The following ZNF311 variants were observed in gnomAD, a reference collection of about 807,000 sequenced individuals.
The protein encoded by ZNF311 is zinc finger protein 311.
ZNF311 carries 14 observed loss-of-function variants against 22.7 expected under a neutral mutation model. The ratio of observed to expected loss-of-function variants is 0.62; its 90% CI spans 0.41 to 0.96. The LOEUF (loss-of-function observed/expected upper bound fraction) is 0.96, where lower values mean the gene tolerates loss of function less well. Ranked by LOEUF, ZNF311 falls within the 40% of genes least tolerant of loss-of-function variation. The pLI, the probability that ZNF311 is intolerant of heterozygous loss-of-function variation, is 0.00. For synonymous variants in ZNF311, 250 were observed against 275.3 expected (o/e 0.91, Z 0.91); for missense variants, 731 against 799.0 (o/e 0.91, Z 1.03).
chr6:28,998,665 T>G (rs1779973830), intron 6 of ZNF311, 69 bp downstream of exon 6: 8 of 1,140,452 alleles, frequency 7.0e-6, no homozygotes, highest in Non-Finnish European at 3.8e-6. Flanking sequence ...GATCCACCAC[T>G]GAGAATGTTC....
At chr6:28,997,616 G>A (rs1366678881) in intron 6 of ZNF311, among the ~76,000 whole-genome samples, 2 of 152,030 alleles carry the variant, frequency 1.3e-5, no homozygotes, top group African/African-American at 4.8e-5. Flanking sequence ...TATTCTCTCT[G>A]AAAATCAAGT....
chr6:28,997,485 C>T (rs975332273), intron 6 of ZNF311, among the ~76,000 whole-genome samples: 2 of 152,170 alleles, frequency 1.3e-5, no homozygotes. Context: ...TTAATATTAT[C>T]TCTGAACTCT....
chr6:29,004,333 C>T (rs900719841), intron 1 of ZNF311, 119 bp from the exon 2 acceptor site: 4 of 540,302 alleles, frequency 7.4e-6, no homozygotes, highest in South Asian at 3.3e-5. Context: ...ACAATCTCAA[C>T]GGCTACCACC....
At chr6:29,003,623 A>C in intron 2 of ZNF311, 29 bp from the exon 3 acceptor site, 1 of 1,611,668 alleles carries the variant, frequency 6.2e-7, no homozygotes, top group Non-Finnish European at 8.5e-7. Flanking sequence ...TGAATTCAGG[A>C]AAGTTATGAA....
chr6:28,998,948 GTTAAT>G, intron 5 of ZNF311, 110 bp from the exon 6 acceptor site: 2 of 679,342 alleles, frequency 2.9e-6, no homozygotes, highest in Non-Finnish European at 4.8e-6. Flanking sequence ...GGAAAGAAAT[GTTAAT>G]TTAGATAGAG....
chr6:29,003,927 C>G lies in ZNF311; in HGVS notation c.9+19G>C, dbSNP rs1486857570. On this transcript the variant is annotated intron_variant, in intron 2 of 6. Transcript: ENST00000377179. ...CCTTCTTCCTCCTTGTGATGTATCACAGACCCTCCTCTTCTTACCTCCTGC... is the reference window on the plus strand; with the variant it reads ...CCTTCTTCCTCCTTGTGATGTATCAGAGACCCTCCTCTTCTTACCTCCTGC... 1.9e-6 allele frequency: 3 copies of G among 1,612,864 alleles called. No homozygotes were observed.
intron 1 of ZNF311, among the ~76,000 whole-genome samples, chr6:29,004,442 CTTTTTTTTTTTT>C (rs9280531): frequency 6.5e-5 from 2 of 30,604 alleles, no homozygotes; most frequent in Admixed American, 4.0e-4. Context: ...TTCCTCCTTT[CTTTTTTTTTTTT>C]TTTTTTTTTT....
At chr6:29,003,628 T>G in intron 2 of ZNF311, 34 bp from the exon 3 acceptor site, 1 of 1,610,020 alleles carries the variant, frequency 6.2e-7, no homozygotes, top group Non-Finnish European at 8.5e-7. Flanking sequence ...TCAGGAAAGT[T>G]ATGAAGGTGA....
chr6:28,995,380 T>G lies in ZNF311; in HGVS notation c.1622A>C (p.Asn541Thr). 1 of 1,614,080 alleles carries G rather than the reference T, an allele frequency of 6.2e-7. No individual in the cohort carries two copies. Among genetic ancestry groups the G allele is most frequent in the Non-Finnish European group, 8.5e-7 (1 of 1,180,018 alleles). Residue 541 changes from asparagine (N) to threonine (T), a missense_variant, in exon 7 of 7, where the codon AAC (asparagine) becomes ACC (threonine). Coordinates refer to ENST00000377179, the MANE Select transcript of ZNF311 (RefSeq NM_001382360.1). This position sits in a 1 kb window ranked among gnomAD's most constrained non-coding sequence, Gnocchi z 4.7. ...GTGAATTCTTCGATGATTGGTCAAG[T>G]TTGACTTCCCACTGAAAGCTTTCCC... is the stretch of plus-strand genomic sequence containing the variant. ...ECGKAFSGKS[N>T]LTNHRRIHTG... is the part of the protein sequence containing the mutation.
In ZNF311 at chr6:28,995,472, A is replaced by G; in HGVS notation, c.1530T>C (p.Asp510=). 5 of 1,613,028 alleles carry G rather than the reference A, an allele frequency of 3.1e-6. No individual in the cohort carries two copies. The highest frequency in any genetic ancestry group is 4.2e-6 in the Non-Finnish European group (5 of 1,179,546). The change falls in exon 7 of 7, where the codon GAT becomes GAC. Residue 510 remains aspartate, a synonymous_variant. Transcript: ENST00000377179. This position sits in a 1 kb window ranked among gnomAD's most constrained non-coding sequence, Gnocchi z 4.7. ...TCTGATGGATGGTAAGGCAGTGCTT[A>G]TCTTGGAAGGTTTTCCCACAATCCC... ...QCRDCGKTFQ[D]KHCLTIHQRI...
At chr6:29,003,437 C>T (rs1780726078) in intron 3 of ZNF311, 76 bp downstream of exon 3, 1 of 1,405,216 alleles carries the variant, frequency 7.1e-7, no homozygotes, top group African/African-American at 1.4e-5. Context: ...CCCAGTGTGG[C>T]ATTTTCCACC....
intron 4 of ZNF311, 115 bp downstream of exon 4, chr6:28,999,841 T>A (rs1202039979): frequency 1.2e-5 from 16 of 1,295,194 alleles, no homozygotes; most frequent in Non-Finnish European, 1.6e-5. Flanking sequence ...ATGTTCCTTA[T>A]GAGAGGGAGA....
chr6:28,997,330 T>C (rs538123557), intron 6 of ZNF311, among the ~76,000 whole-genome samples: 1 of 152,280 alleles, frequency 6.6e-6, no homozygotes, highest in African/African-American at 2.4e-5. Context: ...AACCTGATGG[T>C]TTTGAGTCTC....
At position 28,996,125 on chromosome 6, in the gene ZNF311, G is replaced by A; in HGVS notation, c.877C>T (p.His293Tyr). The stretch of plus-strand genomic sequence containing the variant: ...TTCTCCCCTGTGTGGATTATCCGGT[G>A]CATAGAAAGCTGATTTCTGGTCTTG... ...AFKTRNQLSM[H>Y]RIIHTGEKPF... is the part of the protein sequence containing the mutation. The change falls in exon 7 of 7, where the codon CAC (histidine) becomes TAC (tyrosine). Residue 293 changes from histidine to tyrosine, a missense_variant. By Grantham distance (83) the His-to-Tyr change is moderately conservative. Coordinates refer to ENST00000377179, the MANE Select transcript of ZNF311 (RefSeq NM_001382360.1). 2 of 1,613,372 alleles carry A rather than the reference G, an allele frequency of 1.2e-6. No homozygotes were observed. Among genetic ancestry groups the A allele is most frequent in the Non-Finnish European group, 1.7e-6 (2 of 1,180,024 alleles).
At chr6:28,997,070 T>C (rs2269555) in intron 6 of ZNF311, among the ~76,000 whole-genome samples, 87,601 of 152,050 alleles carry the variant, frequency 0.58, 28,406 homozygotes, top group African/African-American at 0.88. Flanking sequence ...ATTAGATCTG[T>C]GCAATACCTG....
At chr6:28,997,565 C>G (rs1362921215) in intron 6 of ZNF311, among the ~76,000 whole-genome samples, 1 of 152,176 alleles carries the variant, frequency 6.6e-6, no homozygotes, top group Non-Finnish European at 1.5e-5. Context: ...CATCCTTTAC[C>G]CTGAATCCCT....
At chr6:28,999,370 C>G in intron 5 of ZNF311, 117 bp downstream of exon 5, 1 of 1,064,802 alleles carries the variant, frequency 9.4e-7, no homozygotes, top group African/African-American at 1.6e-5. Flanking sequence ...TGGGCAAGAT[C>G]CTGATGATAA....
chr6:28,996,257 A>G lies in ZNF311; in HGVS notation c.745T>C (p.Cys249Arg). The G allele has an allele frequency of 6.2e-7, 1 of 1,613,190 alleles. No homozygotes were observed. The highest frequency in any genetic ancestry group is 8.5e-7 in the Non-Finnish European group (1 of 1,180,034). Residue 249 changes from cysteine to arginine, a missense_variant, in exon 7 of 7, where the codon TGT becomes CGT. Physicochemically the swap from Cys to Arg is radical, Grantham distance 180 (BLOSUM62 -3). Coordinates refer to ENST00000377179, the MANE Select transcript of ZNF311 (RefSeq NM_001382360.1). ...CTGAAGTTTTTGCCACACCTGGCAC[A>G]TTCATGGAGTTTCTGTGCTATAAGA... ...KVLIAQKLHE[C>R]ARCGKNFSWH...
In ZNF311 at chr6:28,999,575, A is replaced by T. The variant is rs1347994466; in HGVS notation, c.222T>A (p.Thr74=). Residue 74 remains threonine (T), a synonymous_variant, in exon 5 of 7, where the codon ACT becomes ACA. Transcript: ENST00000377179. ...AGGTCAGACACTGCCACTCCCTGTT[A>T]GTGAAGTTCACAGCTACATCCTCAA... ...VTFEDVAVNF[T]NREWQCLTYA... is the part of the protein sequence containing the mutation. 1 of 1,613,574 alleles carries T rather than the reference A, an allele frequency of 6.2e-7. No homozygotes were observed. The highest frequency in any genetic ancestry group is 1.7e-5 in the Admixed American group (1 of 59,968).
Sources: allele counts gnomAD v4.1 joint callset (sites outside exome capture counted in the v4.1 genomes callset), GRCh38; gene constraint gnomAD v4.1.1; non-coding constraint Gnocchi (gnomAD v3.1); transcripts MANE v1.5; gene names NCBI Gene and HGNC (gene_info 2026-07-23, HGNC 2026-07-21).